Variants in FHOD3 observed in about 807,000 individuals in gnomAD.
The protein encoded by FHOD3 is FH1/FH2 domain-containing protein 3.
Under a neutral mutation model 173.0 loss-of-function variants are expected in FHOD3, and 90 were observed. The observed-to-expected ratio is 0.52, with a 90% CI of 0.44 to 0.62. FHOD3 has a LOEUF of 0.62. Among genes scored for constraint, FHOD3 ranks in the 20% least tolerant of loss-of-function variants. The probability of loss-of-function intolerance (pLI) is 0.00; values close to 1 mark genes in which losing one functional copy is unlikely to be tolerated. For synonymous variants in FHOD3, 828 were observed against 823.0 expected (o/e 1.01, Z -0.10); for missense variants, 1,945 against 2,034.7 (o/e 0.96, Z 0.85).
intron 5 of FHOD3, among the ~76,000 whole-genome samples, chr18:36,543,332 A>G (rs898119511): frequency 6.5e-4 from 99 of 152,226 alleles, no homozygotes; most frequent in African/African-American, 2.2e-3. Context: ...TACATTTCCT[A>G]TGGGTTCTAT....
intron 5 of FHOD3, among the ~76,000 whole-genome samples, chr18:36,570,447 T>C (rs1599698764): frequency 6.6e-6 from 1 of 151,864 alleles, no homozygotes; most frequent in African/African-American, 2.4e-5. Context: ...AACAGTTGCC[T>C]GGTGAATTCC....
intron 5 of FHOD3, among the ~76,000 whole-genome samples, chr18:36,558,651 A>T (rs1336418515): frequency 6.6e-6 from 1 of 152,220 alleles, no homozygotes; most frequent in Non-Finnish European, 1.5e-5. Context: ...AATTAGAAGG[A>T]ATCTATGTTT....
chr18:36,380,559 TTTC>T (rs1568195966), intron 3 of FHOD3, among the ~76,000 whole-genome samples: 2 of 85,578 alleles, frequency 2.3e-5, no homozygotes, highest in Admixed American at 1.5e-4. Flanking sequence ...TTTGTTTTCT[TTTC>T]TTTTCTTTTC....
At chr18:36,741,473 T>A (rs936065892) in intron 21 of FHOD3, among the ~76,000 whole-genome samples, 1 of 152,016 alleles carries the variant, frequency 6.6e-6, no homozygotes, top group African/African-American at 2.4e-5. Flanking sequence ...GAAGAGAGAT[T>A]CTATAGCCCA....
chr18:36,652,765 A>C lies in FHOD3; in HGVS notation c.1482A>C (p.Ser494=). The C allele has an allele frequency of 6.5e-7, 1 of 1,535,876 alleles. No homozygotes were observed. Among genetic ancestry groups the C allele is most frequent in the South Asian group, 1.2e-5 (1 of 84,038 alleles). The change falls in exon 12 of 29, where the codon TCA becomes TCC. Residue 494 remains serine, a synonymous_variant. Transcript: ENST00000590592. ...CTGCCCTCCTGTCACCCCCTGCCTC[A>C]GCTGCTCGGCCCTCCTCCGCCACAC... The part of the protein sequence containing the change: ...TPSALLSPPA[S]AARPSSATPG...
At chr18:36,421,770 G>A (rs1235375709) in intron 3 of FHOD3, among the ~76,000 whole-genome samples, 1 of 152,128 alleles carries the variant, frequency 6.6e-6, no homozygotes, top group Non-Finnish European at 1.5e-5. Context: ...ATCACATGCC[G>A]GTTCTAGGGG....
intron 1 of FHOD3, among the ~76,000 whole-genome samples, chr18:36,306,427 C>A (rs2092099602): frequency 6.6e-6 from 1 of 152,162 alleles, no homozygotes; most frequent in Non-Finnish European, 1.5e-5. Context: ...TTCCTGCTTG[C>A]CTTAGAACAT....
At chr18:36,385,896 G>A (rs960658170) in intron 3 of FHOD3, among the ~76,000 whole-genome samples, 4 of 152,186 alleles carry the variant, frequency 2.6e-5, no homozygotes. Flanking sequence ...CATGGAGGAG[G>A]AAGCTCCTGA....
chr18:36,515,440 G>T (rs918817305), intron 5 of FHOD3, among the ~76,000 whole-genome samples: 3 of 152,126 alleles, frequency 2.0e-5, no homozygotes, highest in Admixed American at 6.5e-5. Context: ...GGATGATCTT[G>T]ATCTCCTGAC....
intron 1 of FHOD3, among the ~76,000 whole-genome samples, chr18:36,299,248 G>A (rs191532383): frequency 6.6e-6 from 1 of 152,262 alleles, no homozygotes; most frequent in Admixed American, 6.5e-5. Context: ...ATTCTCTCCT[G>A]GTTGGTTCAG....
intron 26 of FHOD3, 146 bp downstream of exon 26, chr18:36,759,287 A>G: frequency 1.1e-6 from 1 of 879,030 alleles, no homozygotes. Context: ...TTTTCGTGTG[A>G]TCACTAACCA....
intron 14 of FHOD3, among the ~76,000 whole-genome samples, chr18:36,661,708 AGAT>A (rs1462780267): frequency 4.6e-5 from 7 of 152,240 alleles, no homozygotes; most frequent in Non-Finnish European, 8.8e-5. Flanking sequence ...TTCATGTGTT[AGAT>A]GTTGATAAAA....
chr18:36,625,604 G>A lies in FHOD3; in HGVS notation c.1051G>A (p.Gly351Arg), dbSNP rs760471234. The change falls in exon 10 of 29, where the codon GGA (glycine) becomes AGA (arginine). Residue 351 changes from glycine (G) to arginine (R), a missense_variant. Around this residue, in one of 5 missense-constraint regions of FHOD3, gnomAD observed 1,099 missense variants for 1,051.2 expected, o/e 1.05. Transcript: ENST00000590592. The part of the protein sequence containing the change: ...RRRASVCSSG[G>R]GEHRGLDRRR... ...GAGGGCCAGCGTGTGTTCCAGTGGC[G>A]GAGGCGAGCACCGGGGCCTGGACCG... The A allele has an allele frequency of 1.0e-5, 16 of 1,582,564 alleles. No individual in the cohort carries two copies. Among genetic ancestry groups the A allele is most frequent in the Middle Eastern group, 1.7e-4 (1 of 5,976 alleles).
chr18:36,516,052 A>G (rs1214179009), intron 5 of FHOD3, among the ~76,000 whole-genome samples: 1 of 152,320 alleles, frequency 6.6e-6, no homozygotes, highest in Non-Finnish European at 1.5e-5. Context: ...CAGGGAAGCT[A>G]TGATTTTCCT....
intron 3 of FHOD3, among the ~76,000 whole-genome samples, chr18:36,492,478 T>A (rs1298987355): frequency 6.6e-6 from 1 of 152,214 alleles, no homozygotes; most frequent in African/African-American, 2.4e-5. Flanking sequence ...AAATCTTGCA[T>A]GAATGTGGTA....
At chr18:36,779,409 T>C (rs566613565) in intron 28 of FHOD3, 39 bp from the exon 29 acceptor site, 9 of 1,600,936 alleles carry the variant, frequency 5.6e-6, no homozygotes, top group Non-Finnish European at 7.7e-6. Flanking sequence ...CTTCCTTTTC[T>C]TCTCATCCCT....
At chr18:36,610,890 T>C (rs1249583176) in intron 8 of FHOD3, among the ~76,000 whole-genome samples, 1 of 152,252 alleles carries the variant, frequency 6.6e-6, no homozygotes, top group Non-Finnish European at 1.5e-5. Flanking sequence ...CAGGCTTTTA[T>C]CCCAGTGTCT....
At chr18:36,649,292 TC>T in intron 10 of FHOD3, 23 bp from the exon 11 acceptor site, 1 of 1,530,200 alleles carries the variant, frequency 6.5e-7, no homozygotes, top group African/African-American at 1.4e-5. Context: ...TGTGTGCATT[TC>T]TCTTTTCCTG....
chr18:36,716,612 A>T (rs2040462889), intron 18 of FHOD3, among the ~76,000 whole-genome samples: 1 of 152,212 alleles, frequency 6.6e-6, no homozygotes, highest in African/African-American at 2.4e-5. Flanking sequence ...AGGAAGCAGC[A>T]ACGGAGACTG....
Sources: allele counts gnomAD v4.1 joint callset (sites outside exome capture counted in the v4.1 genomes callset), GRCh38; gene constraint gnomAD v4.1.1; regional missense constraint gnomAD v4.1.1; transcripts MANE v1.5; gene names NCBI Gene and HGNC (gene_info 2026-07-23, HGNC 2026-07-21).